Variants in MYH9 observed in about 807,000 individuals in gnomAD.
MYH9 encodes myosin heavy chain 9, also known as myosin-9.
Under a neutral mutation model 241.9 loss-of-function variants are expected in MYH9, and 29 were observed. The observed-to-expected ratio is 0.12, with a 90% CI of 0.09 to 0.16. The LOEUF (loss-of-function observed/expected upper bound fraction) is 0.16, where lower values mean the gene tolerates loss of function less well. MYH9 is among the 10% of genes least tolerant of loss of function. The probability of loss-of-function intolerance (pLI) is 1.00; values close to 1 mark genes in which losing one functional copy is unlikely to be tolerated. For synonymous variants in MYH9, 1,047 were observed against 1,062.6 expected, an observed-to-expected ratio of 0.99 and a Z score of 0.29; for missense variants, 1,803 against 2,595.5, an observed-to-expected ratio of 0.69 and a Z score of 6.63.
chr22:36,283,273 A>AT (rs2146325938), intron 40 of MYH9, among the ~76,000 whole-genome samples: 1 of 152,306 alleles, frequency 6.6e-6, no homozygotes, highest in Admixed American at 6.5e-5. Context: ...ACGGTGGCTC[A>AT]TCCTTGTAAT....
Position 36,320,479 on chromosome 22 carries a change from C to T in MYH9, c.869-116G>A. Reference sequence around the variant, plus strand: ...GACAGACCCTGAGCCCTGACGCACCCTGGAAACCGCAGAGTAGCCAGTGAC... The same window carrying T: ...GACAGACCCTGAGCCCTGACGCACCTTGGAAACCGCAGAGTAGCCAGTGAC... On this transcript the variant is annotated intron_variant, in intron 8 of 40. Coordinates refer to ENST00000216181, the MANE Select transcript of MYH9 (RefSeq NM_002473.6). The surrounding 1 kb of genome is among the most constrained non-coding windows in gnomAD (Gnocchi z 4.8). The T allele has an allele frequency of 7.5e-7, 1 of 1,336,490 alleles. No individual in the cohort carries two copies. Among genetic ancestry groups the T allele is most frequent in the Admixed American group, 1.7e-5 (1 of 57,596 alleles). The allele number at this position is 1,336,490 out of a possible 1,614,324, so 82.8% of individuals were successfully genotyped here. A position where few individuals can be genotyped will look rare whatever the true frequency, so the allele number is the denominator to read the frequency against.
At chr22:36,372,213 T>C (rs1478392383) in intron 1 of MYH9, among the ~76,000 whole-genome samples, 3 of 152,092 alleles carry the variant, frequency 2.0e-5, no homozygotes, top group Non-Finnish European at 4.4e-5. Context: ...TCAGACCACG[T>C]GCAGTGGCTC....
rs952500112 is a variant in MYH9, at chr22:36,320,509, A to G, written c.869-146T>C. ...AACCGCAGAGTAGCCAGTGACGTTC[A>G]GCTTTCCTCAGTGTCTGAGACTCTG... On this transcript the variant is annotated intron_variant, in intron 8 of 40. Coordinates refer to ENST00000216181, the MANE Select transcript of MYH9 (RefSeq NM_002473.6). This position sits in a 1 kb window ranked among gnomAD's most constrained non-coding sequence, Gnocchi z 4.8. 13 of 1,074,094 alleles carry G rather than the reference A, an allele frequency of 1.2e-5. No homozygotes were observed. Among genetic ancestry groups the G allele is most frequent in the Non-Finnish European group, 1.8e-5 (13 of 719,074 alleles). The allele number at this position is 1,074,094 out of a possible 1,614,324, so 66.5% of individuals were successfully genotyped here.
intron 1 of MYH9, among the ~76,000 whole-genome samples, chr22:36,355,039 C>T (rs2017834348): frequency 1.4e-5 from 2 of 147,044 alleles, no homozygotes; most frequent in Admixed American, 1.4e-4. Flanking sequence ...TCCCGAGCTC[C>T]TGTGGGAATG....
chr22:36,358,216 C>T (rs1408895181), intron 1 of MYH9, among the ~76,000 whole-genome samples: 5 of 152,174 alleles, frequency 3.3e-5, no homozygotes, highest in Admixed American at 6.5e-5. Context: ...AGGTGCACAC[C>T]GCCACACCCG....
rs1345777013 is a variant in MYH9, at chr22:36,285,763, C to A, written c.5169G>T (p.Glu1723Asp). ...CGATGCGGGCCTCCAGACGCCGCTT[C>A]TCCTCTAACGCCAGGGCTCTGCGGG... Reference protein sequence around the residue: ...SSGKGALALEEKRRLEARIAQ... With the variant: ...SSGKGALALEDKRRLEARIAQ... Residue 1723 changes from glutamate to aspartate, a missense_variant, in exon 37 of 41, where the codon GAG (glutamate) becomes GAT (aspartate). Physicochemically the swap from Glu to Asp is conservative, Grantham distance 45 (BLOSUM62 2). Around this residue, in one of 11 missense-constraint regions of MYH9, gnomAD observed 876 missense variants for 1,077.8 expected, o/e 0.81. Transcript: ENST00000216181. This position sits in a 1 kb window ranked among gnomAD's most constrained non-coding sequence, Gnocchi z 7.0. The A allele has an allele frequency of 3.1e-6, 5 of 1,610,310 alleles. No individual in the cohort carries two copies. Among genetic ancestry groups the A allele is most frequent in the African/African-American group, 1.3e-5 (1 of 74,846 alleles).
chr22:36,381,515 CAAA>C (rs772541129), intron 1 of MYH9, among the ~76,000 whole-genome samples: 4 of 124,572 alleles, frequency 3.2e-5, no homozygotes, highest in Admixed American at 8.3e-5. Context: ...GACTCCATCT[CAAA>C]AAAAAAAAAA....
Position 36,295,501 on chromosome 22 carries a change from A to G in MYH9, c.3485+4T>C, listed in dbSNP as rs752545059. 6.8e-6 allele frequency: 11 copies of G among 1,611,724 alleles called. No homozygotes were observed. Among genetic ancestry groups the G allele is most frequent in the Non-Finnish European group, 9.3e-6 (11 of 1,179,852 alleles). On this transcript the variant is annotated splice_donor_region_variant and intron_variant, in intron 26 of 40. Coordinates refer to ENST00000216181, the MANE Select transcript of MYH9 (RefSeq NM_002473.6). The surrounding 1 kb of genome is among the most constrained non-coding windows in gnomAD (Gnocchi z 4.1). ...ATCCCGAGGGACTTGGTCCCAGGGCACACCTGAGCTCCTGCTGGGCAGCTG... is the reference window on the plus strand; with the variant it reads ...ATCCCGAGGGACTTGGTCCCAGGGCGCACCTGAGCTCCTGCTGGGCAGCTG...
rs549408311 is a variant in MYH9, at chr22:36,289,134, C to A, written c.4508G>T (p.Arg1503Leu). The A allele has an allele frequency of 1.9e-6, 3 of 1,614,096 alleles. No homozygotes were observed. The highest frequency in any genetic ancestry group is 1.3e-5 in the African/African-American group (1 of 75,074). ...GCTCATAAGGTCCTCCATCTCCGTG[C>A]GGAACTGCTTGTTGAGCCGCTCCAG... is the stretch of plus-strand genomic sequence containing the variant. ...AELERLNKQFRTEMEDLMSSK... is the reference protein window; with the variant it reads ...AELERLNKQFLTEMEDLMSSK... Residue 1503 changes from arginine to leucine, a missense_variant, in exon 32 of 41, where the codon CGC (arginine) becomes CTC (leucine). By Grantham distance (102) the Arg-to-Leu change is moderately radical (BLOSUM62 -2). Around this residue, in one of 11 missense-constraint regions of MYH9, gnomAD observed 876 missense variants for 1,077.8 expected, o/e 0.81. Transcript: ENST00000216181.
chr22:36,307,520 T>G (rs2016989748), intron 15 of MYH9, among the ~76,000 whole-genome samples: 1 of 152,240 alleles, frequency 6.6e-6, no homozygotes, highest in Non-Finnish European at 1.5e-5. Context: ...TATTATTTAC[T>G]TGAAGACAGC....
intron 2 of MYH9, among the ~76,000 whole-genome samples, chr22:36,346,247 AG>A (rs1158865174): frequency 6.6e-6 from 1 of 152,172 alleles, no homozygotes; most frequent in Non-Finnish European, 1.5e-5. Context: ...CATCCCCCAA[AG>A]GGTGGGCATC....
intron 18 of MYH9, 148 bp downstream of exon 18, chr22:36,304,885 C>T: frequency 1.3e-6 from 1 of 797,814 alleles, no homozygotes; most frequent in Admixed American, 2.0e-5. Context: ...GCAAAGGGCG[C>T]CCGGCAGAGT....
At position 36,295,428 on chromosome 22, in the gene MYH9, G is replaced by A; in HGVS notation, c.3485+77C>T. 8.6e-7 allele frequency: 1 copy of A among 1,162,464 alleles called. No homozygotes were observed. Among genetic ancestry groups the A allele is most frequent in the African/African-American group, 1.5e-5 (1 of 66,102 alleles). The allele number at this position is 1,162,464 out of a possible 1,614,324, so 72.0% of individuals were successfully genotyped here. On this transcript the variant is annotated intron_variant, in intron 26 of 40. Transcript: ENST00000216181. This position sits in a 1 kb window ranked among gnomAD's most constrained non-coding sequence, Gnocchi z 4.1. ...TGTGTGTGTGTGTGTGTGTGCAGAG[G>A]CCCGGGGTCCATGTCTCCAAGCCAA...
chr22:36,284,421 G>A lies in MYH9; in HGVS notation c.5574C>T (p.Ala1858=), dbSNP rs991435881. The A allele has an allele frequency of 1.4e-5, 22 of 1,612,788 alleles. No individual in the cohort carries two copies. The highest frequency in any genetic ancestry group is 1.6e-4 in the Middle Eastern group (1 of 6,062). Reference sequence around the variant, plus strand: ...CCCACACCTGGTCCTTGTACTGCTCGGCGTTCCTCCGCTCGTCATCCACCT... The same window carrying A: ...CCCACACCTGGTCCTTGTACTGCTCAGCGTTCCTCCGCTCGTCATCCACCT... ...LLQVDDERRN[A]EQYKDQADKA... Residue 1858 remains alanine (A), a synonymous_variant, in exon 39 of 41, where the codon GCC becomes GCT. Transcript: ENST00000216181.
chr22:36,313,447 G>A (rs8141508), intron 13 of MYH9, among the ~76,000 whole-genome samples: 65,083 of 115,762 alleles, frequency 0.56, 19,230 homozygotes, highest in Non-Finnish European at 0.69. Flanking sequence ...GCGAGACTCC[G>A]TCTCAAAAAA....
At position 36,293,618 on chromosome 22, in the gene MYH9, G is replaced by C. The variant is rs1207906356; in HGVS notation, c.3943-137C>G. 2 of 1,386,458 alleles carry C rather than the reference G, an allele frequency of 1.4e-6. No individual in the cohort carries two copies. Among genetic ancestry groups the C allele is most frequent in the African/African-American group, 2.8e-5 (2 of 70,586 alleles). 85.9% of individuals were successfully genotyped at this position (1,386,458 alleles called of 1,614,324 possible). A position where few individuals can be genotyped will look rare whatever the true frequency, so the allele number is the denominator to read the frequency against. ...CCACGTAAAGACCTGGAGGGAGCTGGGAGGACGCAGAGACCCACCCACAGG... is the reference window on the plus strand; with the variant it reads ...CCACGTAAAGACCTGGAGGGAGCTGCGAGGACGCAGAGACCCACCCACAGG... On this transcript the variant is annotated intron_variant, in intron 29 of 40. Coordinates refer to ENST00000216181, the MANE Select transcript of MYH9 (RefSeq NM_002473.6). The surrounding 1 kb of genome is among the most constrained non-coding windows in gnomAD (Gnocchi z 5.1).
Position 36,383,655 on chromosome 22 carries a change from T to C in MYH9, c.-20+4152A>G, listed in dbSNP as rs1012013660. Among the ~76,000 whole-genome samples the C allele has an allele frequency of 7.6e-5, 8 of 104,994 alleles. No individual in the cohort carries two copies. In the Admixed American group the frequency reaches 7.9e-4, roughly 10 times the overall value. 68.9% of individuals were successfully genotyped at this position (104,994 alleles called of 152,430 possible). ...AGGGAGTTAAGACTGATCATTTATA[T>C]TAAAAAAAAAGGGGGGGGGGTGCCA... On this transcript the variant is annotated intron_variant, in intron 1 of 40. Transcript: ENST00000216181.
chr22:36,302,376 A>G, intron 20 of MYH9, 192 bp downstream of exon 20: 1 of 554,490 alleles, frequency 1.8e-6, no homozygotes, highest in African/African-American at 1.9e-5. Flanking sequence ...GGCCGGGCAC[A>G]GTGGCTCATG....
chr22:36,284,394 C>T lies in MYH9; in HGVS notation c.5592+9G>A, dbSNP rs754825078. The T allele has an allele frequency of 9.9e-6, 16 of 1,611,326 alleles. No homozygotes were observed. The highest frequency in any genetic ancestry group is 8.9e-5 in the East Asian group (4 of 44,898). On this transcript the variant is annotated intron_variant, in intron 39 of 40. Transcript: ENST00000216181. ...GCTGCCCTTCTCACTGCCCCACCAGCGCCCACACCTGGTCCTTGTACTGCT... is the reference window on the plus strand; with the variant it reads ...GCTGCCCTTCTCACTGCCCCACCAGTGCCCACACCTGGTCCTTGTACTGCT...
Sources: allele counts gnomAD v4.1 joint callset (sites outside exome capture counted in the v4.1 genomes callset), GRCh38; gene constraint gnomAD v4.1.1; regional missense constraint gnomAD v4.1.1; non-coding constraint Gnocchi (gnomAD v3.1); transcripts MANE v1.5; gene names NCBI Gene and HGNC (gene_info 2026-07-23, HGNC 2026-07-21).